Variants in ANKHD1 observed in about 807,000 individuals in gnomAD.
ANKHD1 encodes ankyrin repeat and KH domain containing 1.
Under a neutral mutation model 230.5 loss-of-function variants are expected in ANKHD1, and 31 were observed. That is an observed-to-expected ratio of 0.13 (90% CI 0.10 to 0.18). The LOEUF (loss-of-function observed/expected upper bound fraction) is 0.18. Among genes scored for constraint, ANKHD1 ranks in the 10% least tolerant of loss-of-function variants. ANKHD1 has a pLI of 1.00. For synonymous variants in ANKHD1, 1,074 were observed against 1,117.6 expected (o/e 0.96, Z 0.78); for missense variants, 2,256 against 3,071.3 (o/e 0.73, Z 6.27).
chr5:140,449,833 T>G (rs1431806016), intron 7 of ANKHD1, among the ~76,000 whole-genome samples: 1 of 152,160 alleles, frequency 6.6e-6, no homozygotes, highest in African/African-American at 2.4e-5. Context: ...GTAGACATAG[T>G]TCTAGTGTTT....
Position 140,537,522 on chromosome 5 carries a change from G to A in ANKHD1, c.7161G>A (p.Ala2387=), listed in dbSNP as rs377414671. 6.8e-5 allele frequency: 109 copies of A among 1,613,306 alleles called. No homozygotes were observed. Among genetic ancestry groups the A allele is most frequent in the Non-Finnish European group, 8.7e-5 (103 of 1,179,734 alleles). ...GAGGGTCTGTTGCACAAGCCCCGGC[G>A]GGGACCAGTTTTGTCGCTCCCGTTG... ...RQGGSVAQAP[A]GTSFVAPVGH... is the part of the protein sequence containing the mutation. The change falls in exon 31 of 34, where the codon GCG becomes GCA. Residue 2387 remains alanine, a synonymous_variant. Coordinates refer to ENST00000360839, the MANE Select transcript of ANKHD1 (RefSeq NM_017747.3).
chr5:140,415,653 G>A (rs924438883), intron 1 of ANKHD1, among the ~76,000 whole-genome samples: 2 of 151,632 alleles, frequency 1.3e-5, no homozygotes, highest in African/African-American at 4.8e-5. Flanking sequence ...GGCCAGGCTG[G>A]TCTTGAACTC....
chr5:140,513,239 A>G, intron 23 of ANKHD1, 124 bp from the exon 24 acceptor site: 1 of 945,094 alleles, frequency 1.1e-6, no homozygotes, highest in Non-Finnish European at 1.5e-6. Flanking sequence ...TCAAAGGATA[A>G]CTTAATTTGG....
intron 1 of ANKHD1, among the ~76,000 whole-genome samples, chr5:140,409,547 CA>C (rs1314063045): frequency 1.2e-4 from 13 of 109,266 alleles, no homozygotes; most frequent in Non-Finnish European, 2.1e-4. Context: ...ATTACTGTAA[CA>C]ATTTTTTTTT....
intron 1 of ANKHD1, among the ~76,000 whole-genome samples, chr5:140,427,497 C>T (rs1486234075): frequency 7.8e-6 from 1 of 128,064 alleles, no homozygotes; most frequent in South Asian, 2.6e-4. Context: ...TAGGGGCGGC[C>T]GGGCAGAGGC....
At chr5:140,420,984 G>C (rs759124158) in intron 1 of ANKHD1, among the ~76,000 whole-genome samples, 2 of 152,210 alleles carry the variant, frequency 1.3e-5, no homozygotes, top group African/African-American at 4.8e-5. Flanking sequence ...TCTATATGCT[G>C]TAGGTGGGGA....
intron 5 of ANKHD1, among the ~76,000 whole-genome samples, chr5:140,445,321 A>G (rs1774195678): frequency 6.6e-6 from 1 of 152,246 alleles, no homozygotes; most frequent in Non-Finnish European, 1.5e-5. Flanking sequence ...GCCTGCCAAC[A>G]TGGTGAAACC....
At position 140,507,840 on chromosome 5, in the gene ANKHD1, G is replaced by A. The variant is rs1752604533; in HGVS notation, c.3607G>A (p.Val1203Ile). 5.6e-6 allele frequency: 9 copies of A among 1,614,126 alleles called. No homozygotes were observed. The East Asian group carries it at 1.8e-4, about 32-fold the overall frequency. The part of the protein sequence containing the change: ...PLMLAAMNGH[V>I]PAVKLLLDMG... ...GATGTTGGCTGCAATGAATGGACAT[G>A]TTCCTGCAGTAAAATTGCTGCTCGA... The change falls in exon 20 of 34, where the codon GTT becomes ATT. Residue 1203 changes from valine (V) to isoleucine (I), a missense_variant. Val to Ile is a conservative substitution (Grantham distance 29, BLOSUM62 3). Coordinates refer to ENST00000360839, the MANE Select transcript of ANKHD1 (RefSeq NM_017747.3). The surrounding 1 kb of genome is among the most constrained non-coding windows in gnomAD (Gnocchi z 4.1).
At chr5:140,477,114 C>T (rs1751011235) in intron 10 of ANKHD1, among the ~76,000 whole-genome samples, 1 of 152,066 alleles carries the variant, frequency 6.6e-6, no homozygotes, top group Admixed American at 6.6e-5. Flanking sequence ...GAAAGCTTGA[C>T]AGTGATGGGA....
chr5:140,448,302 T>C (rs984499684), intron 6 of ANKHD1, among the ~76,000 whole-genome samples: 1 of 152,220 alleles, frequency 6.6e-6, no homozygotes, highest in African/African-American at 2.4e-5. Context: ...GACACTTAAA[T>C]TCTTCCCAGG....
intron 1 of ANKHD1, among the ~76,000 whole-genome samples, chr5:140,428,341 G>A (rs1378937293): frequency 6.6e-6 from 1 of 152,234 alleles, no homozygotes; most frequent in Non-Finnish European, 1.5e-5. Flanking sequence ...TCCAGCCTGG[G>A]CACCATTGAG....
chr5:140,470,495 C>T (rs911111907), intron 10 of ANKHD1, among the ~76,000 whole-genome samples: 2 of 150,712 alleles, frequency 1.3e-5, no homozygotes, highest in Non-Finnish European at 2.9e-5. Flanking sequence ...TCCCTCATCT[C>T]GCTTGTTTGT....
At chr5:140,437,409 A>AGG (rs1773530232) in intron 2 of ANKHD1, among the ~76,000 whole-genome samples, 1 of 152,238 alleles carries the variant, frequency 6.6e-6, no homozygotes, top group Non-Finnish European at 1.5e-5. Context: ...TGCATTTAAA[A>AGG]TTTTAGCAAC....
At chr5:140,419,830 C>CTT (rs1231084158) in intron 1 of ANKHD1, among the ~76,000 whole-genome samples, 2 of 110,192 alleles carry the variant, frequency 1.8e-5, no homozygotes, top group East Asian at 2.3e-4. Context: ...TTCTTTCTTT[C>CTT]TTTCTTTTTC....
chr5:140,444,658 C>A (rs1423361232), intron 5 of ANKHD1, among the ~76,000 whole-genome samples: 1 of 152,076 alleles, frequency 6.6e-6, no homozygotes, highest in African/African-American at 2.4e-5. Flanking sequence ...AAAAAACAAA[C>A]AAAAAATCCC....
chr5:140,444,807 T>A (rs938590343), intron 5 of ANKHD1, among the ~76,000 whole-genome samples: 6 of 152,218 alleles, frequency 3.9e-5, no homozygotes, highest in African/African-American at 1.4e-4. Flanking sequence ...CTATGCCCAT[T>A]TGGAGTCCCC....
At chr5:140,447,629 T>C (rs997166366) in intron 6 of ANKHD1, among the ~76,000 whole-genome samples, 1 of 152,200 alleles carries the variant, frequency 6.6e-6, no homozygotes, top group Non-Finnish European at 1.5e-5. Context: ...AAGAGAGAAA[T>C]TCAAAGGTAA....
intron 11 of ANKHD1, among the ~76,000 whole-genome samples, chr5:140,483,710 G>C (rs1442308306): frequency 6.6e-6 from 1 of 151,820 alleles, no homozygotes; most frequent in Non-Finnish European, 1.5e-5. Context: ...TGCCCGCCTC[G>C]GCCTCCCAAA....
chr5:140,439,685 C>G (rs1773709369), intron 3 of ANKHD1, among the ~76,000 whole-genome samples: 1 of 149,606 alleles, frequency 6.7e-6, no homozygotes, highest in African/African-American at 2.5e-5. Context: ...CAAAACAAAA[C>G]AAAATACAAA....
Sources: gnomAD v4.1 joint callset for allele counts (sites outside exome capture counted in the v4.1 genomes callset) on GRCh38, gnomAD v4.1.1 for gene constraint, Gnocchi (gnomAD v3.1) non-coding constraint, MANE v1.5 for transcripts, NCBI Gene and HGNC (gene_info 2026-07-23, HGNC 2026-07-21) for gene names.